POR: variants seen among roughly 807,000 people sequenced by gnomAD.
POR encodes the protein NADPH--cytochrome P450 reductase.
In POR, 56 loss-of-function variants were observed where a neutral mutation model predicts 84.0. That is an observed-to-expected ratio of 0.67 (90% CI 0.54 to 0.83). The LOEUF is 0.83. Among genes scored for constraint, POR ranks in the 40% least tolerant of loss-of-function variants. The pLI is 0.00. For missense variants in POR, 938 were observed against 944.3 expected (o/e 0.99, Z 0.09); for synonymous variants, 414 against 400.5 (o/e 1.03, Z -0.40).
intron 2 of POR, among the ~76,000 whole-genome samples, chr7:75,965,597 T>C (rs1788143387): frequency 6.6e-6 from 1 of 152,184 alleles, no homozygotes; most frequent in African/African-American, 2.4e-5. Flanking sequence ...TATGGCCTTT[T>C]CTTTCTGTCA....
chr7:75,985,034 C>T, intron 11 of POR, 24 bp from the exon 12 acceptor site: 2 of 1,586,556 alleles, frequency 1.3e-6, no homozygotes, highest in Non-Finnish European at 1.7e-6. Context: ...CCAATCAGCC[C>T]CATCTCACCC....
rs2302430 is a variant in POR, at chr7:75,985,471, C to G, written c.1399-108C>G. Reference sequence around the variant, plus strand: ...CTCTGAGGTTTGGGTGCCAGGTGGGCTGGAAGAGGCCCTGGGTGAGTGGGG... The same window carrying G: ...CTCTGAGGTTTGGGTGCCAGGTGGGGTGGAAGAGGCCCTGGGTGAGTGGGG... On this transcript the variant is annotated intron_variant, in intron 12 of 15. Coordinates refer to ENST00000461988, the MANE Select transcript of POR (RefSeq NM_000941.3). 6,846 of 1,349,212 alleles carry G rather than the reference C, an allele frequency of 5.1e-3. 173 individuals carry two copies. The East Asian group carries it at 0.082, about 16-fold the overall frequency. 83.6% of individuals were successfully genotyped at this position (1,349,212 alleles called of 1,614,324 possible). A position where few individuals can be genotyped will look rare whatever the true frequency, so the allele number is the denominator to read the frequency against.
intron 1 of POR, chr7:75,922,767 G>T: frequency 2.2e-6 from 1 of 445,382 alleles, no homozygotes; most frequent in South Asian, 2.3e-5. Context: ...GGCAAAGCAG[G>T]AGCAAAGAAA....
intron 1 of POR, among the ~76,000 whole-genome samples, chr7:75,930,857 CTG>C (rs1209037776): frequency 1.4e-5 from 2 of 146,480 alleles, no homozygotes; most frequent in Non-Finnish European, 3.0e-5. Context: ...GGGTCTTGCT[CTG>C]TCACCCAGGC....
intron 2 of POR, chr7:75,968,010 C>A (rs1788259930): frequency 2.2e-6 from 1 of 454,056 alleles, no homozygotes; most frequent in Non-Finnish European, 4.4e-6. Flanking sequence ...CATCTGCTGG[C>A]CCCTGCTGGT....
rs1554559371 is a variant in POR at position 75,986,151 on chromosome 7, G to A, written c.1816-8G>A. The A allele has an allele frequency of 6.2e-7, 1 of 1,607,550 alleles. No homozygotes were observed. The highest frequency in any genetic ancestry group is 1.7e-5 in the Admixed American group (1 of 59,324). ...GTGCCCCCCTCACAGCACCACCCTT[G>A]GCCCCAGGTCTACGTCCAGCACCTG... On this transcript the variant is annotated splice_polypyrimidine_tract_variant and splice_region_variant and intron_variant, in intron 14 of 15. Coordinates refer to ENST00000461988, the MANE Select transcript of POR (RefSeq NM_000941.3).
intron 1 of POR, among the ~76,000 whole-genome samples, chr7:75,916,546 ACTTATGAC>A (rs1554548095): frequency 6.6e-6 from 1 of 152,144 alleles, no homozygotes; most frequent in African/African-American, 2.4e-5. Flanking sequence ...TTTTTGAGCT[ACTTATGAC>A]CTTCATGCCA....
At chr7:75,917,459 C>G (rs1806629015) in intron 1 of POR, among the ~76,000 whole-genome samples, 1 of 150,748 alleles carries the variant, frequency 6.6e-6, no homozygotes, top group Admixed American at 6.6e-5. Flanking sequence ...GCTGGCCGCC[C>G]CTACAAGAGC....
At chr7:75,986,311 C>G in intron 15 of POR, 26 bp from the exon 16 acceptor site, 2 of 1,612,676 alleles carry the variant, frequency 1.2e-6, no homozygotes, top group Non-Finnish European at 1.7e-6. Context: ...TTGGCCCAGC[C>G]CCCAGCACCC....
rs539245771 is a variant in POR at position 75,975,814 on chromosome 7, A to ATTTTTTTTTTTTTTTTTTTT, written c.237+3370_237+3371insTTTTTTTTTTTTTTTTTTTT. ...TGTTGAGGAAAAAAAAGCTGTTCAGATTTTTTTTTTTTTTTTTGGTAGAGA... is the reference window on the plus strand; with the variant it reads ...TGTTGAGGAAAAAAAAGCTGTTCAGATTTTTTTTTTTTTTTTTTTTTTTTTTTTTTTTTTTTTGGTAGAGA... On this transcript the variant is annotated intron_variant, in intron 3 of 15. Transcript: ENST00000461988. Among the ~76,000 whole-genome samples the ATTTTTTTTTTTTTTTTTTTT allele has an allele frequency of 2.4e-5, 2 of 82,186 alleles. 1 individual carries two copies. The highest frequency in any genetic ancestry group is 4.7e-5 in the Non-Finnish European group (2 of 42,608). 53.9% of individuals were successfully genotyped at this position (82,186 alleles called of 152,430 possible). A position where few individuals can be genotyped will look rare whatever the true frequency, so the allele number is the denominator to read the frequency against.
chr7:75,964,059 G>A (rs1326786230), intron 2 of POR, among the ~76,000 whole-genome samples: 2 of 151,460 alleles, frequency 1.3e-5, no homozygotes, highest in Non-Finnish European at 2.9e-5. Context: ...GAGTTCAGTG[G>A]CACAATCTTG....
chr7:75,974,324 G>A (rs973879378), intron 3 of POR, among the ~76,000 whole-genome samples: 2 of 151,902 alleles, frequency 1.3e-5, no homozygotes, highest in South Asian at 2.1e-4. Flanking sequence ...CGTGGCACGC[G>A]CTCAAGAATA....
intron 1 of POR, among the ~76,000 whole-genome samples, chr7:75,941,407 C>A (rs1204457598): frequency 6.6e-6 from 1 of 152,146 alleles, no homozygotes; most frequent in Non-Finnish European, 1.5e-5. Context: ...TCCTTGGTGA[C>A]CAGCTCCATA....
At chr7:75,966,670 G>A (rs376741323) in intron 2 of POR, among the ~76,000 whole-genome samples, 45 of 152,164 alleles carry the variant, frequency 3.0e-4, no homozygotes, top group Admixed American at 2.6e-3. Context: ...AAATCCAACC[G>A]GATTTGCAGT....
At chr7:75,971,014 T>G (rs1347377810) in intron 2 of POR, 1 of 110,788 alleles carries the variant, frequency 9.0e-6, no homozygotes, top group Non-Finnish European at 2.1e-5. Flanking sequence ...CAGGCTGGAG[T>G]ACAGTGGCGT....
At chr7:75,946,438 C>T (rs1294527315) in intron 1 of POR, among the ~76,000 whole-genome samples, 2 of 152,088 alleles carry the variant, frequency 1.3e-5, no homozygotes, top group East Asian at 1.9e-4. Flanking sequence ...AGGTGCGCAC[C>T]GTCACACCTG....
In POR at chr7:75,980,786, G is replaced by A. The variant is rs578245304; in HGVS notation, c.517-262G>A. 66 of 1,357,894 alleles carry A rather than the reference G, an allele frequency of 4.9e-5. 1 individual carries two copies. Among genetic ancestry groups the A allele is most frequent in the Admixed American group, 2.2e-4 (9 of 40,506 alleles). 84.1% of individuals were successfully genotyped at this position (1,357,894 alleles called of 1,614,324 possible). ...CCTCGGAGAGCTGGAGCCCCAGCCCGGTGGGGAGGGTGGGCTGGCCCCGCT... is the reference window on the plus strand; with the variant it reads ...CCTCGGAGAGCTGGAGCCCCAGCCCAGTGGGGAGGGTGGGCTGGCCCCGCT... On this transcript the variant is annotated intron_variant, in intron 5 of 15. Coordinates refer to ENST00000461988, the MANE Select transcript of POR (RefSeq NM_000941.3).
chr7:75,965,203 A>G (rs1788126096), intron 2 of POR, among the ~76,000 whole-genome samples: 1 of 152,184 alleles, frequency 6.6e-6, no homozygotes, highest in South Asian at 2.1e-4. Flanking sequence ...GCCTCAGCCT[A>G]GCAGAAATTG....
At chr7:75,923,686 G>A (rs1310533725) in intron 1 of POR, among the ~76,000 whole-genome samples, 1 of 152,022 alleles carries the variant, frequency 6.6e-6, no homozygotes, top group Non-Finnish European at 1.5e-5. Flanking sequence ...TCGGGAGTTC[G>A]AAACCAGCCT....
Sources: allele counts gnomAD v4.1 joint callset (sites outside exome capture counted in the v4.1 genomes callset), GRCh38; gene constraint gnomAD v4.1.1; transcripts MANE v1.5; gene names NCBI Gene and HGNC (gene_info 2026-07-23, HGNC 2026-07-21).